The following CNTNAP2 variants were observed in gnomAD, a reference collection of about 807,000 sequenced individuals.
The protein encoded by CNTNAP2 is contactin-associated protein-like 2.
CNTNAP2 carries 98 observed loss-of-function variants against 155.2 expected under a neutral mutation model. The observed-to-expected ratio is 0.63, with a 90% CI of 0.54 to 0.75. The LOEUF is 0.75. Ranked by LOEUF, CNTNAP2 falls within the 30% of genes least tolerant of loss-of-function variation. The pLI is 0.00. For synonymous variants in CNTNAP2, 651 were observed against 631.2 expected (o/e 1.03, Z -0.47); for missense variants, 1,727 against 1,688.1 (o/e 1.02, Z -0.40).
At chr7:146,271,675 T>C (rs1315606796) in intron 1 of CNTNAP2, among the ~76,000 whole-genome samples, 1 of 151,790 alleles carries the variant, frequency 6.6e-6, no homozygotes, top group Non-Finnish European at 1.5e-5. Flanking sequence ...TTATAACCAT[T>C]AGTTTTTATA....
chr7:146,235,757 G>A (rs1799462654), intron 1 of CNTNAP2, among the ~76,000 whole-genome samples: 1 of 152,088 alleles, frequency 6.6e-6, no homozygotes, highest in African/African-American at 2.4e-5. Context: ...AGGGCTATGG[G>A]GGCAGAGATG....
intron 3 of CNTNAP2, among the ~76,000 whole-genome samples, chr7:146,948,737 A>G (rs1356057255): frequency 1.3e-5 from 2 of 152,200 alleles, no homozygotes; most frequent in African/African-American, 4.8e-5. Context: ...TTGCAATTTT[A>G]TACATCTGAT....
At chr7:146,419,858 C>T (rs577956834) in intron 1 of CNTNAP2, among the ~76,000 whole-genome samples, 2 of 152,116 alleles carry the variant, frequency 1.3e-5, no homozygotes, top group East Asian at 1.9e-4. Context: ...ATTTTATGCC[C>T]CTAACTACTA....
intron 1 of CNTNAP2, among the ~76,000 whole-genome samples, chr7:146,711,792 T>A (rs1801081226): frequency 2.8e-5 from 1 of 35,916 alleles, no homozygotes; most frequent in Non-Finnish European, 2.1e-4. Context: ...TATGTATACA[T>A]ATATAGTATA....
At chr7:146,435,881 T>A (rs1217245478) in intron 1 of CNTNAP2, among the ~76,000 whole-genome samples, 5 of 152,198 alleles carry the variant, frequency 3.3e-5, no homozygotes, top group Non-Finnish European at 7.4e-5. Context: ...TGCAGTAGAT[T>A]GCTTTGGTCA....
intron 13 of CNTNAP2, among the ~76,000 whole-genome samples, chr7:147,832,064 G>T (rs1783796095): frequency 6.7e-6 from 1 of 149,838 alleles, no homozygotes; most frequent in South Asian, 2.1e-4. Flanking sequence ...ATCTCTTGAT[G>T]GCATAGAAAT....
chr7:146,834,224 C>A (rs147902109), intron 2 of CNTNAP2, among the ~76,000 whole-genome samples: 7 of 152,232 alleles, frequency 4.6e-5, no homozygotes, highest in Non-Finnish European at 7.4e-5. Context: ...TCTAAACCAC[C>A]CACTAAATTC....
At chr7:147,276,702 G>T (rs1481347792) in intron 8 of CNTNAP2, among the ~76,000 whole-genome samples, 2 of 151,880 alleles carry the variant, frequency 1.3e-5, no homozygotes, top group Non-Finnish European at 2.9e-5. Flanking sequence ...AGCTCATAAG[G>T]TCTTCTTGTA....
At chr7:146,995,594 G>T (rs867182231) in intron 3 of CNTNAP2, among the ~76,000 whole-genome samples, 23 of 151,924 alleles carry the variant, frequency 1.5e-4, no homozygotes, top group African/African-American at 5.3e-4. Context: ...TAATGATATT[G>T]AACATTTTTA....
chr7:147,705,335 A>G (rs77176391), intron 13 of CNTNAP2, among the ~76,000 whole-genome samples: 7,807 of 152,070 alleles, frequency 0.051, 271 homozygotes, highest in South Asian at 0.13. Flanking sequence ...ATGTTGGTTA[A>G]TTTTCATGTA....
intron 13 of CNTNAP2, among the ~76,000 whole-genome samples, chr7:147,851,827 T>A (rs1003988560): frequency 1.6e-4 from 24 of 151,794 alleles, no homozygotes; most frequent in African/African-American, 5.8e-4. Context: ...AGTTAATGGG[T>A]GCAGCACACC....
intron 23 of CNTNAP2, among the ~76,000 whole-genome samples, chr7:148,411,679 A>T (rs77681279): frequency 1.6e-4 from 25 of 152,154 alleles, no homozygotes; most frequent in Admixed American, 1.0e-3. Flanking sequence ...ATCATTTGCC[A>T]TCAGGTCTTT....
At chr7:147,726,285 CAAG>C (rs1796641299) in intron 13 of CNTNAP2, among the ~76,000 whole-genome samples, 2 of 152,028 alleles carry the variant, frequency 1.3e-5, no homozygotes, top group Non-Finnish European at 2.9e-5. Flanking sequence ...AAAGAGGACA[CAAG>C]AAGACTTTTG....
intron 1 of CNTNAP2, among the ~76,000 whole-genome samples, chr7:146,484,491 T>A (rs1190014226): frequency 6.6e-6 from 1 of 152,176 alleles, no homozygotes; most frequent in Non-Finnish European, 1.5e-5. Flanking sequence ...TTCATCAGAT[T>A]TGCAGGATAA....
At chr7:147,963,560 G>A (rs376874187) in intron 14 of CNTNAP2, among the ~76,000 whole-genome samples, 13 of 152,242 alleles carry the variant, frequency 8.5e-5, no homozygotes, top group East Asian at 1.9e-4. Flanking sequence ...AAACAGTCAC[G>A]TTGAGGAACA....
intron 1 of CNTNAP2, among the ~76,000 whole-genome samples, chr7:146,215,545 C>A (rs529933227): frequency 6.6e-6 from 1 of 151,798 alleles, no homozygotes; most frequent in Non-Finnish European, 1.5e-5. Flanking sequence ...ATCAGAAATG[C>A]CATTCCAAGA....
chr7:146,535,002 C>G (rs1797825055), intron 1 of CNTNAP2, among the ~76,000 whole-genome samples: 1 of 136,734 alleles, frequency 7.3e-6, no homozygotes, highest in Non-Finnish European at 1.5e-5. Context: ...CGCTCATACA[C>G]AATTAGGCGT....
At chr7:147,352,061 G>A (rs1795976144) in intron 9 of CNTNAP2, among the ~76,000 whole-genome samples, 1 of 151,882 alleles carries the variant, frequency 6.6e-6, no homozygotes, top group South Asian at 2.1e-4. Context: ...AATAGCATCA[G>A]CTAAGGTCAT....
chr7:147,119,658 T>A (rs1402348843), intron 5 of CNTNAP2, among the ~76,000 whole-genome samples: 4 of 151,882 alleles, frequency 2.6e-5, no homozygotes, highest in African/African-American at 7.3e-5. Flanking sequence ...GAAAATATGT[T>A]CTAGGAAGAT....
Sources: gnomAD v4.1 joint callset for allele counts (sites outside exome capture counted in the v4.1 genomes callset) on GRCh38, gnomAD v4.1.1 for gene constraint, MANE v1.5 for transcripts, NCBI Gene and HGNC (gene_info 2026-07-23, HGNC 2026-07-21) for gene names.